PDGFD: variants seen among roughly 807,000 people sequenced by gnomAD.
PDGFD encodes the protein platelet-derived growth factor D.
Under a neutral mutation model 44.7 loss-of-function variants are expected in PDGFD, and 30 were observed. That is an observed-to-expected ratio of 0.67 (90% confidence interval 0.50 to 0.91). The LOEUF is 0.91. Ranked by LOEUF, PDGFD falls within the 40% of genes least tolerant of loss-of-function variation. PDGFD has a pLI of 0.00. For synonymous variants in PDGFD, 173 were observed against 168.4 expected, an observed-to-expected ratio of 1.03 and a Z score of -0.21; for missense variants, 445 against 457.8, an observed-to-expected ratio of 0.97 and a Z score of 0.25.
intron 1 of PDGFD, chr11:104,037,457 C>G (rs372106217): frequency 1.2e-5 from 19 of 1,613,866 alleles, no homozygotes; most frequent in Admixed American, 1.7e-5. Context: ...GAAGCTCAGG[C>G]CAAAATAGAA....
intron 1 of PDGFD, among the ~76,000 whole-genome samples, chr11:104,035,755 C>A (rs1473253385): frequency 1.3e-5 from 2 of 152,150 alleles, no homozygotes; most frequent in East Asian, 3.9e-4. Flanking sequence ...GAAATAACAG[C>A]CCTTGCCATA....
chr11:104,082,575 C>T (rs1361875104), intron 1 of PDGFD, among the ~76,000 whole-genome samples: 1 of 152,018 alleles, frequency 6.6e-6, no homozygotes, highest in Non-Finnish European at 1.5e-5. Flanking sequence ...AAGACTAAGG[C>T]TTAGGCTTAC....
intron 3 of PDGFD, among the ~76,000 whole-genome samples, chr11:103,948,912 G>T (rs78480505): frequency 2.0e-5 from 3 of 150,794 alleles, no homozygotes; most frequent in Non-Finnish European, 4.4e-5. Flanking sequence ...GTTGATAGGT[G>T]CAACAAACCA....
intron 3 of PDGFD, among the ~76,000 whole-genome samples, chr11:103,986,812 A>T (rs1452451540): frequency 6.6e-6 from 1 of 152,246 alleles, no homozygotes; most frequent in Non-Finnish European, 1.5e-5. Context: ...GGAGTCATGC[A>T]GCTGGAGGCT....
Position 104,140,046 on chromosome 11 carries a change from G to A in PDGFD, c.124+23758C>T, listed in dbSNP as rs1221246153. Among the ~76,000 whole-genome samples, 9 of 19,988 alleles carry A rather than the reference G, an allele frequency of 4.5e-4. 2 individuals carry two copies. The highest frequency in any genetic ancestry group is 7.8e-4 in the Non-Finnish European group (9 of 11,544). The allele number at this position is 19,988 out of a possible 152,430, so 13.1% of individuals were successfully genotyped here. A position where few individuals can be genotyped will look rare whatever the true frequency, so the allele number is the denominator to read the frequency against. ...CTGCAGTCCGCAGTCTGGCCTGGGC[G>A]ACAGAGCGAGACTCCGTCTCAAAAA... On this transcript the variant is annotated intron_variant, in intron 1 of 6. Transcript: ENST00000393158.
In PDGFD at chr11:103,973,127, G is replaced by C. The variant is rs1039377534; in HGVS notation, c.510+22938C>G. 2.0e-5 allele frequency among the ~76,000 whole-genome samples: 3 copies of C among 150,004 alleles called. No individual in the cohort carries two copies. In the South Asian group the frequency reaches 6.3e-4, roughly 32 times the overall value. On this transcript the variant is annotated intron_variant, in intron 3 of 6. Transcript: ENST00000393158. Reference sequence around the variant, plus strand: ...AAGGCATTAATGATATAACGAAGAAGAAAGTGGTCACTTTTTTTTTTTTTT... The same window carrying C: ...AAGGCATTAATGATATAACGAAGAACAAAGTGGTCACTTTTTTTTTTTTTT...
chr11:104,113,074 T>C lies in PDGFD; in HGVS notation c.124+50730A>G, dbSNP rs979469924. Among the ~76,000 whole-genome samples the C allele has an allele frequency of 6.6e-5, 10 of 152,272 alleles. 1 individual carries two copies. The South Asian group carries it at 2.1e-3, about 32-fold the overall frequency. On this transcript the variant is annotated intron_variant, in intron 1 of 6. Transcript: ENST00000393158. The stretch of plus-strand genomic sequence containing the variant: ...CCTACAATACCAAAAGAGGATATTA[T>C]TAAGTCAGAACATTGGGCTGGCATT...
At chr11:104,036,244 A>G (rs911640659) in intron 1 of PDGFD, among the ~76,000 whole-genome samples, 5 of 152,086 alleles carry the variant, frequency 3.3e-5, no homozygotes, top group Admixed American at 3.3e-4. Flanking sequence ...GTTGGAGGCC[A>G]GCCCGGACAA....
chr11:104,061,163 A>G (rs1860710017), intron 1 of PDGFD, among the ~76,000 whole-genome samples: 1 of 152,210 alleles, frequency 6.6e-6, no homozygotes, highest in African/African-American at 2.4e-5. Context: ...ATAATGGGTC[A>G]AAATATGAAA....
chr11:104,004,554 C>T (rs998281509), intron 1 of PDGFD, among the ~76,000 whole-genome samples: 1 of 152,096 alleles, frequency 6.6e-6, no homozygotes, highest in Non-Finnish European at 1.5e-5. Context: ...CTCATTAATA[C>T]TGAGGGATGA....
chr11:103,938,176 T>C (rs1565289324), intron 5 of PDGFD, among the ~76,000 whole-genome samples: 1 of 152,236 alleles, frequency 6.6e-6, no homozygotes, highest in African/African-American at 2.4e-5. Flanking sequence ...ACCAACAGTG[T>C]AAAAGTGTTC....
At chr11:104,016,942 C>T (rs1859866640) in intron 1 of PDGFD, among the ~76,000 whole-genome samples, 1 of 152,178 alleles carries the variant, frequency 6.6e-6, no homozygotes, top group Non-Finnish European at 1.5e-5. Context: ...TGAAATATTT[C>T]TCTGCTATAG....
chr11:104,046,111 T>C (rs1386752), intron 1 of PDGFD, among the ~76,000 whole-genome samples: 49,519 of 146,544 alleles, frequency 0.34, 13,627 homozygotes, highest in Admixed American at 0.54. Context: ...AATGGCAAAG[T>C]GAGAACTTTA....
intron 1 of PDGFD, among the ~76,000 whole-genome samples, chr11:104,007,181 T>C (rs1273144389): frequency 6.6e-6 from 1 of 152,160 alleles, no homozygotes; most frequent in Non-Finnish European, 1.5e-5. Context: ...GTATCCCGTT[T>C]TACTGTCTTG....
intron 1 of PDGFD, among the ~76,000 whole-genome samples, chr11:104,138,069 C>T (rs1040441106): frequency 1.3e-5 from 2 of 152,006 alleles, no homozygotes; most frequent in Admixed American, 1.3e-4. Context: ...CATAACTTGA[C>T]CTATGTTATG....
chr11:104,009,206 A>G (rs1859746360), intron 1 of PDGFD, among the ~76,000 whole-genome samples: 1 of 152,114 alleles, frequency 6.6e-6, no homozygotes, highest in Non-Finnish European at 1.5e-5. Context: ...GCCAGGCCCT[A>G]CCATACTTTA....
intron 1 of PDGFD, among the ~76,000 whole-genome samples, chr11:104,062,355 T>C (rs1860729292): frequency 6.6e-6 from 1 of 152,236 alleles, no homozygotes. Flanking sequence ...GTTCTTTCTC[T>C]GCATGTCGTA....
intron 1 of PDGFD, among the ~76,000 whole-genome samples, chr11:104,005,889 A>G (rs1859694902): frequency 2.6e-5 from 4 of 152,240 alleles, no homozygotes; most frequent in Non-Finnish European, 4.4e-5. Flanking sequence ...ATTTTTATGT[A>G]TGTTTATATA....
chr11:104,115,302 T>C (rs1402337968), intron 1 of PDGFD, among the ~76,000 whole-genome samples: 1 of 149,822 alleles, frequency 6.7e-6, no homozygotes, highest in Non-Finnish European at 1.5e-5. Context: ...TATGACTATA[T>C]ATGATGGAAT....
Sources: gnomAD v4.1 joint callset for allele counts (sites outside exome capture counted in the v4.1 genomes callset) on GRCh38, gnomAD v4.1.1 for gene constraint, MANE v1.5 for transcripts, NCBI Gene and HGNC (gene_info 2026-07-23, HGNC 2026-07-21) for gene names.